RNF114: variants seen among roughly 807,000 people sequenced by gnomAD.
RNF114 encodes the protein E3 ubiquitin-protein ligase RNF114.
Under a neutral mutation model 28.4 loss-of-function variants are expected in RNF114, and 6 were observed. The observed-to-expected ratio is 0.21, with a 90% CI of 0.12 to 0.42. The LOEUF is 0.42. RNF114 is among the 10% of genes least tolerant of loss of function. The pLI, the probability that RNF114 is intolerant of heterozygous loss-of-function variation, is 1.00. For synonymous variants in RNF114, 115 were observed against 116.7 expected (o/e 0.99, Z 0.09); for missense variants, 249 against 311.7 (o/e 0.80, Z 1.51).
chr20:49,952,297 A>G lies in RNF114; in HGVS notation c.*156A>G, dbSNP rs1044557068. On this transcript the variant is annotated 3_prime_UTR_variant, in exon 6 of 6. Coordinates refer to ENST00000244061, the MANE Select transcript of RNF114 (RefSeq NM_018683.4). ...CTTCTGACAGGGGAAGTGGGTCCCCAGGTCAGCCCTTCTCTTCCCTTTGGG... is the reference window on the plus strand; with the variant it reads ...CTTCTGACAGGGGAAGTGGGTCCCCGGGTCAGCCCTTCTCTTCCCTTTGGG... 3.0e-6 allele frequency: 2 copies of G among 670,826 alleles called. No individual in the cohort carries two copies. Among genetic ancestry groups the G allele is most frequent in the Admixed American group, 2.2e-5 (1 of 46,434 alleles). The allele number at this position is 670,826 out of a possible 1,614,324, so 41.6% of individuals were successfully genotyped here. A position where few individuals can be genotyped will look rare whatever the true frequency, so the allele number is the denominator to read the frequency against.
intron 4 of RNF114, among the ~76,000 whole-genome samples, chr20:49,948,224 T>G (rs980930965): frequency 2.6e-5 from 4 of 152,110 alleles, no homozygotes; most frequent in Non-Finnish European, 5.9e-5. Context: ...CTTCTACCAT[T>G]CCAGATTTCT....
Position 49,941,651 on chromosome 20 carries a change from C to T in RNF114, c.231C>T (p.Ala77=), listed in dbSNP as rs766573191. ...CRSALAPGVR[A]VELERQIEST... ...GCGCTCTGGCACCTGGCGTCCGAGC[C>T]GTGGAGCTCGAGCGGCAGATCGAGA... is the stretch of plus-strand genomic sequence containing the variant. Residue 77 remains alanine (A), a synonymous_variant, in exon 2 of 6, where the codon GCC becomes GCT. Coordinates refer to ENST00000244061, the MANE Select transcript of RNF114 (RefSeq NM_018683.4). 31 of 1,612,832 alleles carry T rather than the reference C, an allele frequency of 1.9e-5. No individual in the cohort carries two copies. The highest frequency in any genetic ancestry group is 8.9e-5 in the East Asian group (4 of 44,884).
At chr20:49,949,219 T>G (rs199993474) in intron 4 of RNF114, 29 bp from the exon 5 acceptor site, 86 of 1,589,500 alleles carry the variant, frequency 5.4e-5, no homozygotes, top group Non-Finnish European at 7.2e-5. Flanking sequence ...GGAAATTGGG[T>G]GCCTAAGACC....
chr20:49,939,514 T>G (rs745538173), intron 1 of RNF114, among the ~76,000 whole-genome samples: 7 of 152,132 alleles, frequency 4.6e-5, no homozygotes, highest in Non-Finnish European at 1.0e-4. Context: ...CAGGGTGTCT[T>G]CTCCATTCTT....
rs1041591484 is a variant in RNF114, at chr20:49,946,110, C to CT, written c.399-20dup. On this transcript the variant is annotated intron_variant, in intron 3 of 5. Coordinates refer to ENST00000244061, the MANE Select transcript of RNF114 (RefSeq NM_018683.4). ...GGAAAGGTACTCACAGAAAAGTTTT[C>CT]TTTTTTCCTGTGTTTCACCTTCCAG... The CT allele has an allele frequency of 4.3e-6, 6 of 1,408,972 alleles. No individual in the cohort carries two copies. The African/African-American group carries it at 4.3e-5, about 10-fold the overall frequency. The allele number at this position is 1,408,972 out of a possible 1,614,324, so 87.3% of individuals were successfully genotyped here.
intron 2 of RNF114, among the ~76,000 whole-genome samples, chr20:49,942,858 C>A (rs1345965304): frequency 2.0e-5 from 3 of 152,160 alleles, no homozygotes; most frequent in Non-Finnish European, 4.4e-5. Flanking sequence ...TCGAAAGCTG[C>A]ATAACATTTT....
chr20:49,948,527 TC>T (rs1183235299), intron 4 of RNF114, among the ~76,000 whole-genome samples: 2 of 151,698 alleles, frequency 1.3e-5, no homozygotes, highest in African/African-American at 4.9e-5. Context: ...AACCTCCACT[TC>T]CAGGGTTCAA....
At chr20:49,945,097 T>G (rs968921820) in intron 2 of RNF114, 4 of 269,460 alleles carry the variant, frequency 1.5e-5, no homozygotes, top group African/African-American at 8.8e-5. Context: ...GATTTGGAGC[T>G]TGTCTGTGAG....
chr20:49,951,722 A>G (rs1197877188), intron 5 of RNF114, among the ~76,000 whole-genome samples: 1 of 152,206 alleles, frequency 6.6e-6, no homozygotes, highest in Admixed American at 6.5e-5. Flanking sequence ...TACTAAAAAC[A>G]TAAAAATTAG....
chr20:49,942,154 G>T (rs1321183513), intron 2 of RNF114, among the ~76,000 whole-genome samples: 2 of 152,082 alleles, frequency 1.3e-5, no homozygotes, highest in Non-Finnish European at 2.9e-5. Flanking sequence ...AGCTACTCAG[G>T]AGGCAGAGGC....
intron 4 of RNF114, among the ~76,000 whole-genome samples, chr20:49,946,661 C>G (rs1028392362): frequency 7.9e-5 from 12 of 152,208 alleles, no homozygotes; most frequent in African/African-American, 1.9e-4. Flanking sequence ...CCCCCTCCCC[C>G]CAAGGCAGAG....
rs527923590 is a variant in RNF114, at chr20:49,937,693, C to T, written c.140+1141C>T. 2.0e-5 allele frequency among the ~76,000 whole-genome samples: 3 copies of T among 152,218 alleles called. No individual in the cohort carries two copies. The East Asian group carries it at 5.8e-4, about 29-fold the overall frequency. On this transcript the variant is annotated intron_variant, in intron 1 of 5. Transcript: ENST00000244061. ...GCAATTCGGTTAGCCTGGAACTCTTCCCCCCACCCCTCCCTTTTCAGGCTT... is the reference window on the plus strand; with the variant it reads ...GCAATTCGGTTAGCCTGGAACTCTTTCCCCCACCCCTCCCTTTTCAGGCTT...
At chr20:49,942,015 AG>A (rs1303640066) in intron 2 of RNF114, 1 of 298,234 alleles carries the variant, frequency 3.4e-6, no homozygotes, top group Admixed American at 5.5e-5. Context: ...CTGTAACCCC[AG>A]CTCTTTGGGA....
intron 1 of RNF114, among the ~76,000 whole-genome samples, chr20:49,937,743 C>T (rs930583558): frequency 6.6e-6 from 1 of 152,090 alleles, no homozygotes; most frequent in African/African-American, 2.4e-5. Context: ...AGTTACCTCA[C>T]CAAATACCAT....
rs565581027 is a variant in RNF114 at position 49,943,487 on chromosome 20, A to G, written c.291+1776A>G. ...CCCAGTTTCTACAAAAAAAGGAAAAAAAAATTGAGGATTCCTCAGTTTGTA... is the reference window on the plus strand; with the variant it reads ...CCCAGTTTCTACAAAAAAAGGAAAAGAAAATTGAGGATTCCTCAGTTTGTA... On this transcript the variant is annotated intron_variant, in intron 2 of 5. Transcript: ENST00000244061. Among the ~76,000 whole-genome samples, 6 of 152,132 alleles carry G rather than the reference A, an allele frequency of 3.9e-5. No homozygotes were observed. In the South Asian group the frequency reaches 1.2e-3, roughly 32 times the overall value.
chr20:49,940,775 C>A (rs192962956), intron 1 of RNF114, among the ~76,000 whole-genome samples: 66 of 151,502 alleles, frequency 4.4e-4, no homozygotes, highest in African/African-American at 1.2e-3. Flanking sequence ...TCCACCCCCC[C>A]CTTGAGACAG....
chr20:49,951,951 C>T, intron 5 of RNF114, 125 bp from the exon 6 acceptor site: 1 of 711,648 alleles, frequency 1.4e-6, no homozygotes, highest in South Asian at 1.6e-5. Flanking sequence ...CAAACAGTTG[C>T]ACTGGGGATC....
intron 4 of RNF114, 68 bp downstream of exon 4, chr20:49,946,318 G>A: frequency 3.8e-6 from 3 of 799,668 alleles, no homozygotes; most frequent in South Asian, 1.7e-5. Flanking sequence ...GAAAAATGAC[G>A]GGATTAGTAG....
intron 1 of RNF114, among the ~76,000 whole-genome samples, 188 bp from the exon 2 acceptor site, chr20:49,941,373 T>C (rs2090307107): frequency 1.3e-5 from 2 of 152,244 alleles, no homozygotes; most frequent in Admixed American, 1.3e-4. Flanking sequence ...TCTGTAGTTG[T>C]GTGTTCTTTG....
Sources: gnomAD v4.1 joint callset for allele counts (sites outside exome capture counted in the v4.1 genomes callset) on GRCh38, gnomAD v4.1.1 for gene constraint, MANE v1.5 for transcripts, NCBI Gene and HGNC (gene_info 2026-07-23, HGNC 2026-07-21) for gene names.